FRMPD1: variants seen among roughly 807,000 people sequenced by gnomAD.
FRMPD1 encodes FERM and PDZ domain-containing protein 1.
In FRMPD1, 76 loss-of-function variants were observed where a neutral mutation model predicts 117.8. The observed-to-expected ratio is 0.65, with a 90% CI of 0.54 to 0.78. The LOEUF (loss-of-function observed/expected upper bound fraction) is 0.78, where lower values mean the gene tolerates loss of function less well. Among genes scored for constraint, FRMPD1 ranks in the 30% least tolerant of loss-of-function variants. FRMPD1 has a pLI of 0.00. For missense variants in FRMPD1, 1,786 were observed against 1,964.5 expected (o/e 0.91, Z 1.72); for synonymous variants, 783 against 770.4 (o/e 1.02, Z -0.27).
intron 1 of FRMPD1, chr9:37,670,218 C>G (rs77042115): frequency 6.6e-6 from 1 of 151,828 alleles, no homozygotes; most frequent in African/African-American, 2.4e-5. Flanking sequence ...TTTTTTGTAC[C>G]TTGTATTTGC....
chr9:37,620,382 T>C, the FRMPD1 span, among the ~76,000 whole-genome samples: 1 of 152,332 alleles, frequency 6.6e-6, no homozygotes, highest in Admixed American at 6.5e-5. Context: ...TTTCCTCATC[T>C]ATAAAATAGG....
chr9:37,726,398 G>A (rs1399618102), intron 7 of FRMPD1, among the ~76,000 whole-genome samples: 1 of 152,104 alleles, frequency 6.6e-6, no homozygotes, highest in Non-Finnish European at 1.5e-5. Flanking sequence ...CCAACAACTT[G>A]GCAATAAATT....
chr9:37,668,841 C>T (rs1207498514), intron 1 of FRMPD1, among the ~76,000 whole-genome samples: 1 of 152,116 alleles, frequency 6.6e-6, no homozygotes, highest in African/African-American at 2.4e-5. Context: ...AATTATTTCT[C>T]ACATTTGTTT....
the FRMPD1 span, among the ~76,000 whole-genome samples, chr9:37,641,376 C>CAGCAGGATAAAGCA: frequency 6.6e-6 from 1 of 152,286 alleles, no homozygotes; most frequent in Admixed American, 6.5e-5. Context: ...GCCTGCAACA[C>CAGCAGGATAAAGCA]CCCAGAGCCT....
chr9:37,653,820 T>C (rs561780878), intron 1 of FRMPD1, among the ~76,000 whole-genome samples: 1 of 152,134 alleles, frequency 6.6e-6, no homozygotes, highest in East Asian at 1.9e-4. Context: ...CTGGGTGTAG[T>C]GGGTGTGCAC....
At position 37,680,432 on chromosome 9, in the gene FRMPD1, A is replaced by G. The variant is rs138584198; in HGVS notation, c.-4-12206A>G. 1.1e-4 allele frequency among the ~76,000 whole-genome samples: 17 copies of G among 152,348 alleles called. No individual in the cohort carries two copies. The East Asian group carries it at 3.1e-3, about 28-fold the overall frequency. On this transcript the variant is annotated intron_variant, in intron 1 of 15. Transcript: ENST00000377765. Reference sequence around the variant, plus strand: ...CCAGCATGATCAAACCTGTGGTTGAATGAATACTGTTGTCTAGGATGAAGC... The same window carrying G: ...CCAGCATGATCAAACCTGTGGTTGAGTGAATACTGTTGTCTAGGATGAAGC...
chr9:37,626,371 G>A, the FRMPD1 span, among the ~76,000 whole-genome samples: 7 of 151,564 alleles, frequency 4.6e-5, no homozygotes, highest in African/African-American at 1.5e-4. Flanking sequence ...TGGGCGTTGT[G>A]GCACGTGTCT....
chr9:37,715,141 T>G (rs1823066065), intron 5 of FRMPD1, among the ~76,000 whole-genome samples: 1 of 151,922 alleles, frequency 6.6e-6, no homozygotes. Context: ...TGGTTTAAAT[T>G]TGTAGATCTG....
intron 4 of FRMPD1, among the ~76,000 whole-genome samples, chr9:37,709,127 A>G (rs986827433): frequency 2.6e-5 from 4 of 152,288 alleles, no homozygotes; most frequent in Non-Finnish European, 4.4e-5. Flanking sequence ...TTTAAGACGG[A>G]GGAGTGCCAT....
chr9:37,695,686 C>T (rs1822294890), intron 2 of FRMPD1, among the ~76,000 whole-genome samples: 1 of 152,118 alleles, frequency 6.6e-6, no homozygotes, highest in Admixed American at 6.6e-5. Context: ...CACCTTGTTG[C>T]CTGGTCAAGA....
At chr9:37,627,870 A>G in the FRMPD1 span, among the ~76,000 whole-genome samples, 1 of 152,218 alleles carries the variant, frequency 6.6e-6, no homozygotes, top group Admixed American at 6.5e-5. Context: ...GTAATGGGGA[A>G]AATGAGAGGT....
At chr9:37,706,931 A>AGTCC (rs1167218485) in intron 2 of FRMPD1, among the ~76,000 whole-genome samples, 3 of 144,312 alleles carry the variant, frequency 2.1e-5, no homozygotes, top group African/African-American at 5.1e-5. Flanking sequence ...TTCTTCTGTC[A>AGTCC]GTCCGTCCAT....
At chr9:37,648,960 G>A (rs1388494324), upstream of FRMPD1, among the ~76,000 whole-genome samples, 11 of 152,058 alleles carry the variant, frequency 7.2e-5, no homozygotes, top group Non-Finnish European at 1.5e-4. Flanking sequence ...GCCAAGGAGG[G>A]ACATGAGGGC....
intron 2 of FRMPD1, among the ~76,000 whole-genome samples, chr9:37,705,939 G>A (rs949502410): frequency 1.3e-5 from 2 of 150,244 alleles, no homozygotes; most frequent in African/African-American, 4.9e-5. Flanking sequence ...TAGCCTGAGT[G>A]ACAGAGTAAA....
chr9:37,625,820 G>T, the FRMPD1 span, among the ~76,000 whole-genome samples: 2 of 152,220 alleles, frequency 1.3e-5, no homozygotes, highest in Non-Finnish European at 2.9e-5. Context: ...TCCACAGTTT[G>T]CTCCTCCAGG....
At chr9:37,726,353 T>C (rs1213963116) in intron 7 of FRMPD1, among the ~76,000 whole-genome samples, 1 of 152,214 alleles carries the variant, frequency 6.6e-6, no homozygotes, top group Non-Finnish European at 1.5e-5. Context: ...TAAACATTTA[T>C]TGACACTTTT....
chr9:37,708,970 G>A (rs556440225), intron 4 of FRMPD1, among the ~76,000 whole-genome samples: 1 of 152,108 alleles, frequency 6.6e-6, no homozygotes, highest in Non-Finnish European at 1.5e-5. Flanking sequence ...CATTGATGTA[G>A]CACCTCCAAA....
chr9:37,644,551 C>CCCCCCAT, the FRMPD1 span, among the ~76,000 whole-genome samples: 1 of 152,074 alleles, frequency 6.6e-6, no homozygotes, highest in Non-Finnish European at 1.5e-5. Flanking sequence ...TGGAAGGTGG[C>CCCCCCAT]CCCCCATCTT....
the FRMPD1 span, among the ~76,000 whole-genome samples, chr9:37,632,098 T>C: frequency 2.6e-5 from 4 of 152,334 alleles, no homozygotes; most frequent in African/African-American, 9.6e-5. Context: ...AATAATGGGA[T>C]TATTTAACAC....
Sources: gnomAD v4.1 joint callset for allele counts (sites outside exome capture counted in the v4.1 genomes callset) on GRCh38, gnomAD v4.1.1 for gene constraint, MANE v1.5 for transcripts, NCBI Gene and HGNC (gene_info 2026-07-23, HGNC 2026-07-21) for gene names.